IL12RB2: variants seen among roughly 807,000 people sequenced by gnomAD.
IL12RB2 encodes the protein interleukin 12 receptor subunit beta 2, also known as interleukin-12 receptor subunit beta-2.
In IL12RB2, 82 loss-of-function variants were observed where a neutral mutation model predicts 89.4. The ratio of observed to expected loss-of-function variants is 0.92; its 90% confidence interval spans 0.77 to 1.10. IL12RB2 has a LOEUF of 1.10. IL12RB2 is among the 50% of genes least tolerant of loss of function. IL12RB2 has a pLI of 0.00. For missense variants in IL12RB2, 963 were observed against 1,031.9 expected (o/e 0.93, Z 0.92); for synonymous variants, 368 against 370.1 (o/e 0.99, Z 0.07).
Position 67,380,011 on chromosome 1 carries a change from T to C in IL12RB2, c.1743T>C (p.Asn581=), listed in dbSNP as rs559586719. 12 of 1,612,236 alleles carry C rather than the reference T, an allele frequency of 7.4e-6. No homozygotes were observed. In the South Asian group the frequency reaches 1.3e-4, roughly 18 times the overall value. ...LCEIPYRVSQ[N]SHPINSLQPR... ...AAATTCCCTACAGAGTCTCCCAAAA[T>C]TCACATCCAATAAACAGCCTGCAGC... Residue 581 remains asparagine (N), a synonymous_variant, in exon 14 of 17, where the codon AAT becomes AAC. Transcript: ENST00000674203.
Position 67,320,345 on chromosome 1 carries a change from G to T in IL12RB2, c.-24G>T. 1 of 1,613,848 alleles carries T rather than the reference G, an allele frequency of 6.2e-7. No homozygotes were observed. The highest frequency in any genetic ancestry group is 8.5e-7 in the Non-Finnish European group (1 of 1,179,868). The stretch of plus-strand genomic sequence containing the variant: ...CTTCTTTTGCAAGGAAGAATACGGA[G>T]TTCTATACCAGAGTTGATTGTTGAT... On this transcript the variant is annotated 5_prime_UTR_variant, in exon 3 of 17. Transcript: ENST00000674203.
chr1:67,329,053 C>T (rs1229804345), intron 6 of IL12RB2, among the ~76,000 whole-genome samples: 5 of 152,312 alleles, frequency 3.3e-5, no homozygotes, highest in South Asian at 2.1e-4. Context: ...ATATTGCTAA[C>T]GATGAGTCTG....
intron 10 of IL12RB2, among the ~76,000 whole-genome samples, chr1:67,362,741 T>C (rs1007668203): frequency 6.6e-6 from 1 of 151,948 alleles, no homozygotes; most frequent in Non-Finnish European, 1.5e-5. Flanking sequence ...ACTTCCCACA[T>C]AAAGATTGAA....
intron 9 of IL12RB2, among the ~76,000 whole-genome samples, chr1:67,339,596 C>A (rs531545499): frequency 4.3e-4 from 66 of 152,174 alleles, no homozygotes; most frequent in Non-Finnish European, 6.5e-4. Flanking sequence ...AACAGTGAAG[C>A]CTGACATTAT....
At chr1:67,313,331 T>A (rs1270197450) in intron 1 of IL12RB2, among the ~76,000 whole-genome samples, 1 of 152,214 alleles carries the variant, frequency 6.6e-6, no homozygotes, top group African/African-American at 2.4e-5. Flanking sequence ...GCATTAGGCA[T>A]TATAAATGCT....
At chr1:67,335,785 C>T (rs779192036) in intron 8 of IL12RB2, among the ~76,000 whole-genome samples, 1 of 152,208 alleles carries the variant, frequency 6.6e-6, no homozygotes, top group Non-Finnish European at 1.5e-5. Flanking sequence ...AGTGATTTTA[C>T]ACCCCTGGTC....
At chr1:67,357,566 C>A (rs1284221842) in intron 10 of IL12RB2, among the ~76,000 whole-genome samples, 1 of 152,162 alleles carries the variant, frequency 6.6e-6, no homozygotes, top group Non-Finnish European at 1.5e-5. Context: ...ATCTCTTAAA[C>A]TTCAGTTGCA....
At chr1:67,373,135 G>C (rs1007450805) in intron 13 of IL12RB2, among the ~76,000 whole-genome samples, 1 of 152,144 alleles carries the variant, frequency 6.6e-6, no homozygotes, top group African/African-American at 2.4e-5. Flanking sequence ...TTAAGACAGT[G>C]CCTCACTCTG....
chr1:67,330,070 A>C (rs907232439), intron 7 of IL12RB2, among the ~76,000 whole-genome samples: 2 of 152,204 alleles, frequency 1.3e-5, no homozygotes, highest in Non-Finnish European at 2.9e-5. Flanking sequence ...AGAAATGTCC[A>C]CAGAGAGTTA....
intron 13 of IL12RB2, among the ~76,000 whole-genome samples, chr1:67,375,596 C>T (rs1163741744): frequency 6.6e-6 from 1 of 152,114 alleles, no homozygotes; most frequent in African/African-American, 2.4e-5. Context: ...ATGGCCCCCT[C>T]TTACTGGTGT....
chr1:67,316,924 C>G (rs956126350), intron 2 of IL12RB2, among the ~76,000 whole-genome samples: 1 of 152,152 alleles, frequency 6.6e-6, no homozygotes, highest in African/African-American at 2.4e-5. Context: ...CCTGTCTACT[C>G]CAGGATGTTG....
At chr1:67,392,892 G>T (rs1436832193) in intron 16 of IL12RB2, among the ~76,000 whole-genome samples, 3 of 152,060 alleles carry the variant, frequency 2.0e-5, no homozygotes, top group Admixed American at 2.0e-4. Context: ...CCAAAGTGTT[G>T]GGAGTACAGG....
chr1:67,332,452 G>A (rs953186700), intron 8 of IL12RB2, among the ~76,000 whole-genome samples: 3 of 152,090 alleles, frequency 2.0e-5, no homozygotes, highest in Non-Finnish European at 4.4e-5. Flanking sequence ...TTGACCTCAG[G>A]TGATCCACCT....
chr1:67,381,408 C>A (rs1021733685), intron 14 of IL12RB2, among the ~76,000 whole-genome samples: 10 of 152,148 alleles, frequency 6.6e-5, no homozygotes, highest in African/African-American at 2.4e-4. Context: ...TTGTTCTATG[C>A]CAGGAAACTC....
At chr1:67,340,774 T>A (rs1422726958) in intron 9 of IL12RB2, among the ~76,000 whole-genome samples, 1 of 152,286 alleles carries the variant, frequency 6.6e-6, no homozygotes, top group Middle Eastern at 3.4e-3. Context: ...TGGCCATGAG[T>A]GATGCTTGGT....
chr1:67,312,400 C>G (rs181304048), intron 1 of IL12RB2, among the ~76,000 whole-genome samples: 151 of 152,204 alleles, frequency 9.9e-4, no homozygotes, highest in African/African-American at 3.5e-3. Context: ...CTCCAAGACT[C>G]CATTCGTATC....
At chr1:67,311,116 G>A (rs950286822) in intron 1 of IL12RB2, among the ~76,000 whole-genome samples, 1 of 152,136 alleles carries the variant, frequency 6.6e-6, no homozygotes, top group Non-Finnish European at 1.5e-5. Flanking sequence ...GGAATTATCC[G>A]AGCCAAGACT....
chr1:67,320,575 A>C, intron 3 of IL12RB2, 131 bp downstream of exon 3: 1 of 1,503,958 alleles, frequency 6.6e-7, no homozygotes, highest in Non-Finnish European at 9.0e-7. Flanking sequence ...ATTTAAGTGG[A>C]TAAGTCTGGT....
At chr1:67,385,832 C>T (rs1424092304) in intron 14 of IL12RB2, among the ~76,000 whole-genome samples, 1 of 152,212 alleles carries the variant, frequency 6.6e-6, no homozygotes, top group Non-Finnish European at 1.5e-5. Context: ...TTCAGACACA[C>T]TGCCATGTGC....
Sources: gnomAD v4.1 joint callset for allele counts (sites outside exome capture counted in the v4.1 genomes callset) on GRCh38, gnomAD v4.1.1 for gene constraint, MANE v1.5 for transcripts, NCBI Gene and HGNC (gene_info 2026-07-23, HGNC 2026-07-21) for gene names.